Variants in CNTN2 observed in about 807,000 individuals in gnomAD.
CNTN2 encodes contactin 2, also known as contactin-2.
In CNTN2, 53 loss-of-function variants were observed where a neutral mutation model predicts 117.5. That is an observed-to-expected ratio of 0.45 (90% CI 0.36 to 0.57). The LOEUF (loss-of-function observed/expected upper bound fraction) is 0.57, where lower values mean the gene tolerates loss of function less well. Ranked by LOEUF, CNTN2 falls within the 20% of genes least tolerant of loss-of-function variation. The pLI is 0.00. For missense variants in CNTN2, 1,106 were observed against 1,404.3 expected (o/e 0.79, Z 3.39); for synonymous variants, 530 against 561.7 (o/e 0.94, Z 0.80).
intron 15 of CNTN2, 108 bp downstream of exon 15, chr1:205,066,707 G>A: frequency 7.6e-7 from 1 of 1,321,822 alleles, no homozygotes; most frequent in Non-Finnish European, 1.0e-6. Flanking sequence ...GGCTGAGCCT[G>A]GAGCTTCAAA....
intron 19 of CNTN2, 151 bp downstream of exon 19, chr1:205,070,689 G>A (rs1159921386): frequency 6.7e-6 from 4 of 593,242 alleles, no homozygotes; most frequent in Non-Finnish European, 1.2e-5. Flanking sequence ...CACTGTGAAT[G>A]CAAATTTCAC....
In CNTN2 at chr1:205,048,773, T is replaced by C. The variant is rs1403662200; in HGVS notation, c.-86-4327T>C. On this transcript the variant is annotated intron_variant, in intron 1 of 22. Coordinates refer to ENST00000331830, the MANE Select transcript of CNTN2 (RefSeq NM_005076.5). This position sits in a 1 kb window ranked among gnomAD's most constrained non-coding sequence, Gnocchi z 4.1. ...TCTGTAGAGGCAGTAATTTTATTAC[T>C]GTCTCCCCTGTGCTTAGCACAATGC... Among the ~76,000 whole-genome samples the C allele has an allele frequency of 6.6e-6, 1 of 152,198 alleles. No individual in the cohort carries two copies. The highest frequency in any genetic ancestry group is 1.5e-5 in the Non-Finnish European group (1 of 68,036).
intron 16 of CNTN2, 21 bp downstream of exon 16, chr1:205,067,271 A>C (rs1476220947): frequency 6.2e-7 from 1 of 1,603,542 alleles, no homozygotes. Context: ...TGTGTGTCCC[A>C]AAAAGCTATC....
Position 205,075,030 on chromosome 1 carries a change from T to G in CNTN2, c.*1265T>G, listed in dbSNP as rs1380535187. 1.3e-5 allele frequency: 5 copies of G among 397,286 alleles called. No individual in the cohort carries two copies. Among genetic ancestry groups the G allele is most frequent in the South Asian group, 1.4e-4 (1 of 7,070 alleles). 24.6% of individuals were successfully genotyped at this position (397,286 alleles called of 1,614,324 possible). ...TTAGAGCTCAACTTCTTCAAGCCCC[T>G]CACTTTACAGATGAGGAAATGGAGG... On this transcript the variant is annotated 3_prime_UTR_variant, in exon 23 of 23. Transcript: ENST00000331830.
At position 205,061,326 on chromosome 1, in the gene CNTN2, C is replaced by G. The variant is rs1281512992; in HGVS notation, c.879C>G (p.Ile293Met). 5 of 1,613,992 alleles carry G rather than the reference C, an allele frequency of 3.1e-6. No homozygotes were observed. Among genetic ancestry groups the G allele is most frequent in the Admixed American group, 3.3e-5 (2 of 59,988 alleles). ...CCACAGCTGAGCCCACCCTGCAGAT[C>G]CCCAGCGTCAGCTTTGAGGATGAGG... ...QWTTAEPTLQIPSVSFEDEGT... is the reference protein window; with the variant it reads ...QWTTAEPTLQMPSVSFEDEGT... Residue 293 changes from isoleucine to methionine, a missense_variant, in exon 8 of 23, where the codon ATC becomes ATG. Coordinates refer to ENST00000331830, the MANE Select transcript of CNTN2 (RefSeq NM_005076.5). This position sits in a 1 kb window ranked among gnomAD's most constrained non-coding sequence, Gnocchi z 4.8.
Position 205,065,345 on chromosome 1 carries a change from C to A in CNTN2, c.1695+83C>A. On this transcript the variant is annotated intron_variant, in intron 13 of 22. Coordinates refer to ENST00000331830, the MANE Select transcript of CNTN2 (RefSeq NM_005076.5). The surrounding 1 kb of genome is among the most constrained non-coding windows in gnomAD (Gnocchi z 4.1). Reference sequence around the variant, plus strand: ...CCAAGATGTCCTTAGCCATCCTCACCTTTAAGAAACCCATAGCCTAAGCGC... The same window carrying A: ...CCAAGATGTCCTTAGCCATCCTCACATTTAAGAAACCCATAGCCTAAGCGC... 1 of 1,456,814 alleles carries A rather than the reference C, an allele frequency of 6.9e-7. No homozygotes were observed. Among genetic ancestry groups the A allele is most frequent in the Non-Finnish European group, 9.4e-7 (1 of 1,060,152 alleles). The allele number at this position is 1,456,814 out of a possible 1,614,324, so 90.2% of individuals were successfully genotyped here.
At chr1:205,069,802 C>T in intron 17 of CNTN2, 25 bp from the exon 18 acceptor site, 1 of 1,604,696 alleles carries the variant, frequency 6.2e-7, no homozygotes, top group South Asian at 1.1e-5. Flanking sequence ...CGGACCCTCG[C>T]CCATGCCATG....
At chr1:205,044,459 G>GC (rs199789723) in intron 1 of CNTN2, among the ~76,000 whole-genome samples, 3 of 116,448 alleles carry the variant, frequency 2.6e-5, no homozygotes, top group African/African-American at 1.3e-4. Context: ...CCTGTGTCCT[G>GC]GGGGGGGGGG....
At chr1:205,066,200 C>G (rs1465375993) in intron 14 of CNTN2, 2 of 609,848 alleles carry the variant, frequency 3.3e-6, no homozygotes, top group Non-Finnish European at 5.7e-6. Flanking sequence ...GATCTATGCA[C>G]CTCTCCATGT....
intron 18 of CNTN2, 170 bp from the exon 19 acceptor site, chr1:205,070,256 T>C (rs1244308426): frequency 1.4e-6 from 1 of 710,092 alleles, no homozygotes; most frequent in East Asian, 2.7e-5. Flanking sequence ...AAAGGGAGGC[T>C]CTCTGGGAAT....
chr1:205,047,282 C>A (rs1022089268), intron 1 of CNTN2, among the ~76,000 whole-genome samples: 2 of 152,106 alleles, frequency 1.3e-5, no homozygotes, highest in South Asian at 4.1e-4. Context: ...TCCTTCACCC[C>A]ACCCCTGCCA....
At chr1:205,063,096 C>T (rs1416849300) in intron 10 of CNTN2, 2 of 152,340 alleles carry the variant, frequency 1.3e-5, no homozygotes, top group Admixed American at 6.5e-5. Context: ...TCAGTTTCCT[C>T]ATCCATAAAA....
At position 205,065,285 on chromosome 1, in the gene CNTN2, C is replaced by A. The variant is rs767124996; in HGVS notation, c.1695+23C>A. 1 of 1,612,996 alleles carries A rather than the reference C, an allele frequency of 6.2e-7. No homozygotes were observed. The highest frequency in any genetic ancestry group is 8.5e-7 in the Non-Finnish European group (1 of 1,179,272). ...GTGGTGAGACCTAGGGCCAGAGCCC[C>A]ATGGCTTCTCCCTCCTTCTAGAGAG... On this transcript the variant is annotated intron_variant, in intron 13 of 22. Coordinates refer to ENST00000331830, the MANE Select transcript of CNTN2 (RefSeq NM_005076.5). The surrounding 1 kb of genome is among the most constrained non-coding windows in gnomAD (Gnocchi z 4.1).
Position 205,069,469 on chromosome 1 carries a change from G to A in CNTN2, c.2126-22G>A, listed in dbSNP as rs370797161. The stretch of plus-strand genomic sequence containing the variant: ...TCCTTGCTCATTAACAAGCCATATC[G>A]GTGTCCCTTGGCCCTTGACAGCCCC... On this transcript the variant is annotated intron_variant, in intron 16 of 22. Coordinates refer to ENST00000331830, the MANE Select transcript of CNTN2 (RefSeq NM_005076.5). 1,730 of 1,612,584 alleles carry A rather than the reference G, an allele frequency of 1.1e-3. 2 individuals are homozygous for A. The highest frequency in any genetic ancestry group is 1.4e-3 in the Non-Finnish European group (1,592 of 1,179,144).
chr1:205,053,227 A>T lies in CNTN2; in HGVS notation c.42A>T (p.Val14=). 1 of 1,613,062 alleles carries T rather than the reference A, an allele frequency of 6.2e-7. No homozygotes were observed. Among genetic ancestry groups the T allele is most frequent in the African/African-American group, 1.3e-5 (1 of 75,042 alleles). ...ATRRKPHLLL[V]AAVALVSSSA... is the part of the protein sequence containing the mutation. Reference sequence around the variant, plus strand: ...GGAGGAAGCCACACCTGCTGCTGGTAGCTGCTGTGGCCCTTGTCTCCTCTT... The same window carrying T: ...GGAGGAAGCCACACCTGCTGCTGGTTGCTGCTGTGGCCCTTGTCTCCTCTT... Residue 14 remains valine (V), a synonymous_variant, in exon 2 of 23, where the codon GTA becomes GTT. Transcript: ENST00000331830.
At chr1:205,050,973 T>G (rs1291254329) in intron 1 of CNTN2, among the ~76,000 whole-genome samples, 17 of 152,136 alleles carry the variant, frequency 1.1e-4, no homozygotes, top group Non-Finnish European at 1.5e-5. Flanking sequence ...GTAGAATAGG[T>G]GTATTAAATG....
intron 1 of CNTN2, among the ~76,000 whole-genome samples, chr1:205,050,671 T>G (rs868658550): frequency 5.3e-5 from 8 of 152,300 alleles, no homozygotes; most frequent in Middle Eastern, 6.8e-3. Context: ...CAGGCTGCAG[T>G]GCAATGGCAT....
At position 205,064,366 on chromosome 1, in the gene CNTN2, C is replaced by T. The variant is rs1654153554; in HGVS notation, c.1285C>T (p.Pro429Ser). 1 of 1,606,048 alleles carries T rather than the reference C, an allele frequency of 6.2e-7. No individual in the cohort carries two copies. The highest frequency in any genetic ancestry group is 8.5e-7 in the Non-Finnish European group (1 of 1,173,746). Residue 429 changes from proline to serine, a missense_variant, in exon 11 of 23, where the codon CCC (proline) becomes TCC (serine). By Grantham distance (74) the Pro-to-Ser change is moderately conservative. Coordinates refer to ENST00000331830, the MANE Select transcript of CNTN2 (RefSeq NM_005076.5). ...FRLNPVRRLI[P>S]AARGGEILIP... ...GCTGAATCCCGTGAGGCGTCTGATC[C>T]CCGCGGCCCGCGGGGGAGAGATCCT...
Position 205,072,084 on chromosome 1 carries a change from T to C in CNTN2, c.2682T>C (p.Ala894=). 6.2e-7 allele frequency: 1 copy of C among 1,613,870 alleles called. No homozygotes were observed. Among genetic ancestry groups the C allele is most frequent in the Non-Finnish European group, 8.5e-7 (1 of 1,179,994 alleles). ...TGACCGTGAGGGCCTACAACCGGGCTGGCACTGGGCCTGCCAGCCCTTCTG... is the reference window on the plus strand; with the variant it reads ...TGACCGTGAGGGCCTACAACCGGGCCGGCACTGGGCCTGCCAGCCCTTCTG... ...YHVTVRAYNR[A]GTGPASPSAN... Residue 894 remains alanine, a synonymous_variant, in exon 20 of 23, where the codon GCT becomes GCC. Transcript: ENST00000331830.
Sources: gnomAD v4.1 joint callset for allele counts (sites outside exome capture counted in the v4.1 genomes callset) on GRCh38, gnomAD v4.1.1 for gene constraint, Gnocchi (gnomAD v3.1) non-coding constraint, MANE v1.5 for transcripts, NCBI Gene and HGNC (gene_info 2026-07-23, HGNC 2026-07-21) for gene names.